IGF1R: variants seen among roughly 807,000 people sequenced by gnomAD.
The protein encoded by IGF1R is insulin-like growth factor 1 receptor.
Under a neutral mutation model 144.6 loss-of-function variants are expected in IGF1R, and 44 were observed. That is an observed-to-expected ratio of 0.30 (90% confidence interval 0.24 to 0.39). The LOEUF (loss-of-function observed/expected upper bound fraction) is 0.39, where lower values mean the gene tolerates loss of function less well. Ranked by LOEUF, IGF1R falls within the 10% of genes least tolerant of loss-of-function variation. The probability of loss-of-function intolerance (pLI) is 1.00; values close to 1 mark genes in which losing one functional copy is unlikely to be tolerated. For synonymous variants in IGF1R, 795 were observed against 722.8 expected (o/e 1.10, Z -1.60); for missense variants, 1,355 against 1,833.7 (o/e 0.74, Z 4.77).
At chr15:98,884,898 C>A (rs903447518) in intron 2 of IGF1R, among the ~76,000 whole-genome samples, 1 of 152,066 alleles carries the variant, frequency 6.6e-6, no homozygotes, top group African/African-American at 2.4e-5. Context: ...AAGGCTGTTC[C>A]AGGCTCTCCC....
chr15:98,753,210 T>C (rs886975196), intron 2 of IGF1R, among the ~76,000 whole-genome samples: 10 of 149,898 alleles, frequency 6.7e-5, no homozygotes, highest in Non-Finnish European at 1.2e-4. Context: ...GGATTACAGG[T>C]GTGAGCCATT....
At chr15:98,715,137 A>G (rs570137430) in intron 2 of IGF1R, among the ~76,000 whole-genome samples, 6 of 152,258 alleles carry the variant, frequency 3.9e-5, no homozygotes, top group Non-Finnish European at 7.4e-5. Flanking sequence ...CCTCATTGCT[A>G]TGCCTTTTAT....
intron 2 of IGF1R, among the ~76,000 whole-genome samples, chr15:98,722,425 G>C (rs2054267297): frequency 6.6e-6 from 1 of 152,154 alleles, no homozygotes; most frequent in Admixed American, 6.6e-5. Context: ...CTCGACTCGT[G>C]AATGAGTTGT....
At chr15:98,807,925 T>C (rs2056502187) in intron 2 of IGF1R, among the ~76,000 whole-genome samples, 1 of 152,278 alleles carries the variant, frequency 6.6e-6, no homozygotes. Flanking sequence ...TCAGAATATC[T>C]GATCCATAAA....
At chr15:98,819,732 T>A (rs1323782838) in intron 2 of IGF1R, among the ~76,000 whole-genome samples, 1 of 152,182 alleles carries the variant, frequency 6.6e-6, no homozygotes, top group African/African-American at 2.4e-5. Flanking sequence ...TTAAAAAGAT[T>A]TATTGATTCA....
At chr15:98,667,602 C>T (rs11247362) in intron 1 of IGF1R, among the ~76,000 whole-genome samples, 113,323 of 151,984 alleles carry the variant, frequency 0.75, 46,585 homozygotes, top group Non-Finnish European at 0.9. Context: ...GGTTGTCATC[C>T]TTTGGTTTAA....
intron 2 of IGF1R, among the ~76,000 whole-genome samples, chr15:98,879,457 G>A (rs1355682083): frequency 6.6e-6 from 1 of 152,152 alleles, no homozygotes; most frequent in Non-Finnish European, 1.5e-5. Context: ...ACCTTCCACT[G>A]TTTTATTCTC....
At chr15:98,798,539 G>A (rs1435724371) in intron 2 of IGF1R, among the ~76,000 whole-genome samples, 2 of 152,232 alleles carry the variant, frequency 1.3e-5, no homozygotes, top group East Asian at 3.9e-4. Context: ...GGAGTAGGCT[G>A]TTGCCCCAGT....
At chr15:98,895,326 A>C (rs539790634) in intron 3 of IGF1R, among the ~76,000 whole-genome samples, 1 of 152,202 alleles carries the variant, frequency 6.6e-6, no homozygotes, top group East Asian at 1.9e-4. Context: ...CATTGGAGGA[A>C]GTTGGATGAA....
chr15:98,807,418 T>A (rs980211260), intron 2 of IGF1R, among the ~76,000 whole-genome samples: 1 of 152,250 alleles, frequency 6.6e-6, no homozygotes, highest in Non-Finnish European at 1.5e-5. Context: ...TGTGCAACAT[T>A]ATGCAATAAA....
chr15:98,657,933 C>T (rs2052522306), intron 1 of IGF1R, among the ~76,000 whole-genome samples: 2 of 152,200 alleles, frequency 1.3e-5, no homozygotes, highest in South Asian at 4.1e-4. Flanking sequence ...CCAGTGCAGA[C>T]CTGCATTGAC....
chr15:98,909,178 GCA>G (rs2014873563), intron 6 of IGF1R, among the ~76,000 whole-genome samples: 2 of 151,892 alleles, frequency 1.3e-5, no homozygotes, highest in South Asian at 2.1e-4. Context: ...CTTACAGAAT[GCA>G]CAGTTAAATG....
rs544221692 is a variant in IGF1R, at chr15:98,713,483, A to C, written c.640+5376A>C. 7.9e-5 allele frequency among the ~76,000 whole-genome samples: 12 copies of C among 152,308 alleles called. No homozygotes were observed. In the South Asian group the frequency reaches 2.5e-3, roughly 32 times the overall value. Reference sequence around the variant, plus strand: ...CTCTTAGTTGGCAGAGAGGACCACTATGGCGGGTAGCTCTTTTCTTTCCTG... The same window carrying C: ...CTCTTAGTTGGCAGAGAGGACCACTCTGGCGGGTAGCTCTTTTCTTTCCTG... On this transcript the variant is annotated intron_variant, in intron 2 of 20. Transcript: ENST00000650285.
intron 1 of IGF1R, among the ~76,000 whole-genome samples, chr15:98,686,231 C>T (rs2053324842): frequency 6.6e-6 from 1 of 152,188 alleles, no homozygotes; most frequent in Admixed American, 6.5e-5. Flanking sequence ...CTTTTTAAGG[C>T]CCAATAATAT....
At chr15:98,922,932 A>G (rs1000866908) in intron 11 of IGF1R, among the ~76,000 whole-genome samples, 10 of 152,146 alleles carry the variant, frequency 6.6e-5, no homozygotes, top group Admixed American at 1.3e-4. Context: ...GCATTCATCC[A>G]TCTTTGAAGG....
chr15:98,891,884 A>G lies in IGF1R; in HGVS notation c.953+247A>G, dbSNP rs2013941706. On this transcript the variant is annotated intron_variant, in intron 3 of 20. Coordinates refer to ENST00000650285, the MANE Select transcript of IGF1R (RefSeq NM_000875.5). This position sits in a 1 kb window ranked among gnomAD's most constrained non-coding sequence, Gnocchi z 4.7. The stretch of plus-strand genomic sequence containing the variant: ...AGTGCATACTGCCTGGCCATTTGAA[A>G]TTAAGTACTTGCTTGCTGGTTTCGA... Among the ~76,000 whole-genome samples the G allele has an allele frequency of 6.6e-6, 1 of 152,196 alleles. No homozygotes were observed. Among genetic ancestry groups the G allele is most frequent in the Admixed American group, 6.5e-5 (1 of 15,276 alleles).
At chr15:98,765,307 CCTTT>C (rs10596661) in intron 2 of IGF1R, among the ~76,000 whole-genome samples, 6,836 of 116,068 alleles carry the variant, frequency 0.059, 362 homozygotes, top group East Asian at 0.15. Context: ...CATGCCAACA[CCTTT>C]TTTTTTTTTT....
intron 6 of IGF1R, among the ~76,000 whole-genome samples, chr15:98,909,540 T>G (rs537351200): frequency 1.3e-5 from 2 of 152,300 alleles, no homozygotes; most frequent in South Asian, 4.1e-4. Flanking sequence ...ATTACAGGCT[T>G]GAGCCACCAT....
At chr15:98,774,365 A>G (rs2055661928) in intron 2 of IGF1R, among the ~76,000 whole-genome samples, 2 of 152,204 alleles carry the variant, frequency 1.3e-5, no homozygotes, top group Non-Finnish European at 2.9e-5. Context: ...TTTCCCCACA[A>G]AAGACTGAAG....
Sources: gnomAD v4.1 joint callset for allele counts (sites outside exome capture counted in the v4.1 genomes callset) on GRCh38, gnomAD v4.1.1 for gene constraint, Gnocchi (gnomAD v3.1) non-coding constraint, MANE v1.5 for transcripts, NCBI Gene and HGNC (gene_info 2026-07-23, HGNC 2026-07-21) for gene names.